The following NDC1 variants were observed in gnomAD, a reference collection of about 807,000 sequenced individuals.
The protein encoded by NDC1 is NDC1 transmembrane nucleoporin.
A neutral mutation model predicts 89.8 loss-of-function variants in NDC1; 24 were observed. That is an observed-to-expected ratio of 0.27 (90% CI 0.19 to 0.38). The LOEUF (loss-of-function observed/expected upper bound fraction) is 0.38. Among genes scored for constraint, NDC1 ranks in the 10% least tolerant of loss-of-function variants. The pLI, the probability that NDC1 is intolerant of heterozygous loss-of-function variation, is 1.00. For synonymous variants in NDC1, 296 were observed against 284.8 expected (o/e 1.04, Z -0.39); for missense variants, 728 against 797.6 (o/e 0.91, Z 1.05).
At chr1:53,815,452 T>C (rs1361436723) in intron 6 of NDC1, among the ~76,000 whole-genome samples, 1 of 152,194 alleles carries the variant, frequency 6.6e-6, no homozygotes, top group Non-Finnish European at 1.5e-5. Flanking sequence ...GGGCCATAAC[T>C]TAATGTAATA....
intron 14 of NDC1, 62 bp downstream of exon 14, chr1:53,793,167 A>C: frequency 7.4e-7 from 1 of 1,347,502 alleles, no homozygotes; most frequent in Non-Finnish European, 1.1e-6. Flanking sequence ...CCTATCTGCT[A>C]CTTTATTTCA....
intron 6 of NDC1, among the ~76,000 whole-genome samples, chr1:53,815,395 T>C (rs1648443933): frequency 6.6e-6 from 1 of 152,108 alleles, no homozygotes; most frequent in Non-Finnish European, 1.5e-5. Context: ...TTCAACAAAA[T>C]CCAGCATTCC....
intron 11 of NDC1, 70 bp downstream of exon 11, chr1:53,800,623 T>A: frequency 1.3e-6 from 2 of 1,554,872 alleles, no homozygotes; most frequent in Non-Finnish European, 1.8e-6. Context: ...CAGCGCCCAG[T>A]CTACTACAGT....
intron 8 of NDC1, among the ~76,000 whole-genome samples, chr1:53,807,127 G>T (rs1317651859): frequency 2.6e-5 from 4 of 151,572 alleles, no homozygotes; most frequent in Non-Finnish European, 5.9e-5. Flanking sequence ...CACGCCTGTA[G>T]TCCCAGCTAC....
rs187218594 is a variant in NDC1 at position 53,806,263 on chromosome 1, T to C, written c.984+162A>G. On this transcript the variant is annotated intron_variant, in intron 9 of 17. Coordinates refer to ENST00000371429, the MANE Select transcript of NDC1 (RefSeq NM_018087.5). The stretch of plus-strand genomic sequence containing the variant: ...GCATTTTAGTCACTTGGAAAGAAAA[T>C]TGAAAAAATAAACAGCATTAGCAAG... 1.5e-3 allele frequency among the ~76,000 whole-genome samples: 233 copies of C among 152,242 alleles called. 1 individual carries two copies. Among genetic ancestry groups the C allele is most frequent in the African/African-American group, 5.4e-3 (223 of 41,548 alleles).
intron 8 of NDC1, 70 bp downstream of exon 8, chr1:53,807,586 G>T: frequency 7.4e-7 from 1 of 1,353,974 alleles, no homozygotes; most frequent in Non-Finnish European, 1.0e-6. Context: ...TGATCAGTGT[G>T]CTCTGCTAAA....
At chr1:53,805,888 C>G (rs1292982954) in intron 9 of NDC1, among the ~76,000 whole-genome samples, 2 of 152,134 alleles carry the variant, frequency 1.3e-5, no homozygotes, top group East Asian at 3.9e-4. Context: ...TCCTGGCTAA[C>G]ACGGTGAAAC....
chr1:53,818,452 A>G (rs1245087281), intron 6 of NDC1, among the ~76,000 whole-genome samples: 1 of 151,684 alleles, frequency 6.6e-6, no homozygotes, highest in Non-Finnish European at 1.5e-5. Flanking sequence ...AAAATTTACC[A>G]TTTTAGCCAT....
chr1:53,825,460 A>AAAAAAAAAAG (rs1039370528), intron 5 of NDC1, among the ~76,000 whole-genome samples: 4 of 142,116 alleles, frequency 2.8e-5, no homozygotes, highest in Admixed American at 1.4e-4. Flanking sequence ...CTCCAAAAAA[A>AAAAAAAAAAG]AAGAAGCTAC....
At chr1:53,789,069 G>T in intron 15 of NDC1, 64 bp downstream of exon 15, 1 of 1,087,580 alleles carries the variant, frequency 9.2e-7, no homozygotes, top group South Asian at 1.3e-5. Flanking sequence ...GACCTTTCAT[G>T]AATTATACTT....
chr1:53,791,150 C>A (rs994663407), intron 14 of NDC1, among the ~76,000 whole-genome samples: 2 of 152,030 alleles, frequency 1.3e-5, no homozygotes, highest in African/African-American at 4.8e-5. Context: ...TTTTTTTGTG[C>A]CTGACTTATT....
chr1:53,781,698 ATACT>A (rs1431148802), intron 16 of NDC1, among the ~76,000 whole-genome samples: 2 of 151,888 alleles, frequency 1.3e-5, no homozygotes, highest in African/African-American at 4.8e-5. Context: ...AATTACAGAG[ATACT>A]TAAACTTACG....
intron 7 of NDC1, 88 bp downstream of exon 7, chr1:53,809,607 G>A: frequency 3.0e-6 from 3 of 1,010,522 alleles, no homozygotes; most frequent in Non-Finnish European, 4.5e-6. Flanking sequence ...AATGTTAAAG[G>A]CAAAATCTAA....
intron 11 of NDC1, among the ~76,000 whole-genome samples, chr1:53,797,976 A>C (rs575183025): frequency 6.6e-6 from 1 of 152,152 alleles, no homozygotes; most frequent in South Asian, 2.1e-4. Flanking sequence ...TAATTTGCCC[A>C]GAATATCTAT....
intron 5 of NDC1, among the ~76,000 whole-genome samples, chr1:53,821,269 A>C (rs1428217384): frequency 2.0e-5 from 3 of 151,904 alleles, no homozygotes; most frequent in Admixed American, 6.6e-5. Context: ...CCCCGTCTCT[A>C]CTAAAAATAC....
chr1:53,797,639 C>A (rs1647764948), intron 11 of NDC1, among the ~76,000 whole-genome samples: 1 of 151,798 alleles, frequency 6.6e-6, no homozygotes, highest in Admixed American at 6.6e-5. Context: ...CTTTCCTTTT[C>A]TTTTCTTTGA....
intron 2 of NDC1, among the ~76,000 whole-genome samples, chr1:53,834,550 C>A (rs1394332436): frequency 6.6e-6 from 1 of 152,188 alleles, no homozygotes; most frequent in East Asian, 1.9e-4. Context: ...TCCCACTTTA[C>A]AAGGCAAAAG....
intron 6 of NDC1, among the ~76,000 whole-genome samples, chr1:53,814,125 G>T (rs545399347): frequency 6.6e-6 from 1 of 152,114 alleles, no homozygotes; most frequent in Non-Finnish European, 1.5e-5. Context: ...AGGCCAAGGC[G>T]GGTGGATCAC....
chr1:53,837,626 G>A (rs764185292), intron 1 of NDC1, among the ~76,000 whole-genome samples: 3 of 152,028 alleles, frequency 2.0e-5, no homozygotes, highest in Non-Finnish European at 4.4e-5. Flanking sequence ...TTGGAATACA[G>A]GGGAGATGGC....
Sources: allele counts gnomAD v4.1 joint callset (sites outside exome capture counted in the v4.1 genomes callset), GRCh38; gene constraint gnomAD v4.1.1; transcripts MANE v1.5; gene names NCBI Gene and HGNC (gene_info 2026-07-23, HGNC 2026-07-21).